Variants in PARN observed in about 807,000 individuals in gnomAD.
PARN encodes poly(A)-specific ribonuclease.
In PARN, 71 loss-of-function variants were observed where a neutral mutation model predicts 102.8. The ratio of observed to expected loss-of-function variants is 0.69; its 90% CI spans 0.57 to 0.84. PARN has a LOEUF of 0.84. Among genes scored for constraint, PARN ranks in the 40% least tolerant of loss-of-function variants. PARN has a pLI of 0.00. For missense variants in PARN, 782 were observed against 760.9 expected, an observed-to-expected ratio of 1.03 and a Z score of -0.33; for synonymous variants, 261 against 252.9, an observed-to-expected ratio of 1.03 and a Z score of -0.30.
chr16:14,448,475 G>A (rs542386492), intron 22 of PARN, among the ~76,000 whole-genome samples: 1 of 151,802 alleles, frequency 6.6e-6, no homozygotes, highest in Admixed American at 6.6e-5. Flanking sequence ...TTTAGTAGAG[G>A]TGAGGTTTCA....
At chr16:14,547,084 C>A (rs1299502109) in intron 21 of PARN, among the ~76,000 whole-genome samples, 5 of 149,506 alleles carry the variant, frequency 3.3e-5, no homozygotes, top group Non-Finnish European at 5.9e-5. Context: ...CAGAGAGAGA[C>A]CCTGTCTCAA....
At chr16:14,554,597 A>AT (rs2151709404) in intron 19 of PARN, among the ~76,000 whole-genome samples, 1 of 151,754 alleles carries the variant, frequency 6.6e-6, no homozygotes, top group South Asian at 2.1e-4. Flanking sequence ...TGCCTGGCTA[A>AT]TTTTTTTATT....
intron 14 of PARN, among the ~76,000 whole-genome samples, chr16:14,585,098 G>C (rs992971084): frequency 6.6e-6 from 1 of 152,164 alleles, no homozygotes; most frequent in African/African-American, 2.4e-5. Flanking sequence ...TCCTCAGAGA[G>C]CCTGGGCTCC....
intron 6 of PARN, among the ~76,000 whole-genome samples, chr16:14,615,346 T>C (rs1971828837): frequency 6.6e-6 from 1 of 151,490 alleles, no homozygotes; most frequent in Non-Finnish European, 1.5e-5. Context: ...TCCATATGAG[T>C]ACCAGATAAA....
intron 21 of PARN, among the ~76,000 whole-genome samples, chr16:14,550,825 C>T (rs933718597): frequency 6.6e-6 from 1 of 152,186 alleles, no homozygotes; most frequent in Non-Finnish European, 1.5e-5. Flanking sequence ...TACAGCTTAA[C>T]AATACATATT....
intron 22 of PARN, among the ~76,000 whole-genome samples, chr16:14,476,604 AG>A (rs1963065347): frequency 6.6e-6 from 1 of 152,188 alleles, no homozygotes; most frequent in Non-Finnish European, 1.5e-5. Context: ...CGGAGGTGGG[AG>A]GATCACTTGA....
At chr16:14,602,586 C>T (rs1316533090) in intron 11 of PARN, among the ~76,000 whole-genome samples, 1 of 152,178 alleles carries the variant, frequency 6.6e-6, no homozygotes, top group Admixed American at 6.5e-5. Context: ...GCCCTGGTGG[C>T]CTTGCATGTA....
chr16:14,548,351 A>G (rs1052799705), intron 21 of PARN, among the ~76,000 whole-genome samples: 9 of 152,342 alleles, frequency 5.9e-5, no homozygotes, highest in African/African-American at 2.2e-4. Context: ...ACCGTCTTTC[A>G]GTGAAACATC....
rs550419061 is a variant in PARN, at chr16:14,584,384, C to T, written c.1044G>A (p.Lys348=). Residue 348 remains lysine (K), a synonymous_variant, in exon 16 of 24, where the codon AAG becomes AAA. Transcript: ENST00000437198. ...GGTTGAAAGGTGTCTCTTTTAACCG[C>T]TTTTCCAATTCCGCAAGGGATGTGT... ...INNTSLAELE[K]RLKETPFNPP... is the part of the protein sequence containing the mutation. 6 of 1,613,480 alleles carry T rather than the reference C, an allele frequency of 3.7e-6. No homozygotes were observed. The highest frequency in any genetic ancestry group is 1.7e-4 in the Middle Eastern group (1 of 6,060).
At position 14,581,055 on chromosome 16, in the gene PARN, T is replaced by G; in HGVS notation, c.1193-112A>C. On this transcript the variant is annotated intron_variant, in intron 17 of 23. Transcript: ENST00000437198. ...AGCATGGTTCAACAAGTGTGAAAGG[T>G]ATTCTTTTTTTTTTGAGTCAGAGTT... 3 of 625,042 alleles carry G rather than the reference T, an allele frequency of 4.8e-6. No homozygotes were observed. The Admixed American group carries it at 7.4e-5, about 15-fold the overall frequency. 38.7% of individuals were successfully genotyped at this position (625,042 alleles called of 1,614,324 possible).
intron 21 of PARN, among the ~76,000 whole-genome samples, chr16:14,512,319 T>A (rs945048971): frequency 6.6e-6 from 1 of 152,104 alleles, no homozygotes; most frequent in Non-Finnish European, 1.5e-5. Context: ...CTAGTGAACA[T>A]GCTGAAACCC....
chr16:14,606,808 GTCTC>G (rs1188218255), intron 9 of PARN, among the ~76,000 whole-genome samples: 4 of 147,304 alleles, frequency 2.7e-5, no homozygotes, highest in Admixed American at 2.1e-4. Flanking sequence ...TGAGACAAGA[GTCTC>G]TCTCTGTCGC....
chr16:14,453,943 G>C (rs1961572406), intron 22 of PARN, among the ~76,000 whole-genome samples: 1 of 151,974 alleles, frequency 6.6e-6, no homozygotes. Flanking sequence ...ATACCTAGAA[G>C]GATTTCTGGG....
At chr16:14,511,989 A>G (rs1965211824) in intron 21 of PARN, among the ~76,000 whole-genome samples, 2 of 152,214 alleles carry the variant, frequency 1.3e-5, no homozygotes, top group Non-Finnish European at 1.5e-5. Flanking sequence ...AGGCCTGGAC[A>G]TTAAATACAT....
intron 23 of PARN, among the ~76,000 whole-genome samples, chr16:14,441,772 G>A (rs899429625): frequency 4.6e-5 from 7 of 152,188 alleles, no homozygotes; most frequent in Admixed American, 2.0e-4. Flanking sequence ...GAGGCCGCTC[G>A]GCTGCCTCAG....
chr16:14,555,785 T>C, intron 18 of PARN, 76 bp from the exon 19 acceptor site: 1 of 684,826 alleles, frequency 1.5e-6, no homozygotes, highest in Non-Finnish European at 2.4e-6. Context: ...TAAGGTTGAA[T>C]TAGAAAAAAA....
intron 17 of PARN, 42 bp downstream of exon 17, chr16:14,582,139 C>T (rs181407243): frequency 8.1e-7 from 1 of 1,228,338 alleles, no homozygotes; most frequent in Middle Eastern, 1.9e-4. Flanking sequence ...AAGATCCACC[C>T]TAGATCACTG....
intron 22 of PARN, among the ~76,000 whole-genome samples, chr16:14,468,986 A>G (rs1410440820): frequency 6.6e-6 from 1 of 152,104 alleles, no homozygotes; most frequent in Non-Finnish European, 1.5e-5. Flanking sequence ...AATAAAAAAA[A>G]CACACATAAA....
intron 18 of PARN, among the ~76,000 whole-genome samples, chr16:14,575,731 T>C (rs1439615423): frequency 6.6e-6 from 1 of 152,140 alleles, no homozygotes; most frequent in East Asian, 1.9e-4. Flanking sequence ...TGGGAAGGCA[T>C]GACTGGTTTT....
Sources: allele counts gnomAD v4.1 joint callset (sites outside exome capture counted in the v4.1 genomes callset), GRCh38; gene constraint gnomAD v4.1.1; transcripts MANE v1.5; gene names NCBI Gene and HGNC (gene_info 2026-07-23, HGNC 2026-07-21).